Variants in S100A8 observed in about 807,000 individuals in gnomAD.
The protein encoded by S100A8 is protein S100-A8.
Under a neutral mutation model 4.2 loss-of-function variants are expected in S100A8, and 1 was observed. The observed-to-expected ratio is 0.24, with a 90% CI of 0.08 to 1.12. The LOEUF is 1.12. Among genes scored for constraint, S100A8 ranks in the 50% most tolerant of loss-of-function variants. The probability of loss-of-function intolerance (pLI) is 0.53; values close to 1 mark genes in which losing one functional copy is unlikely to be tolerated. For synonymous variants in S100A8, 41 were observed against 44.7 expected (o/e 0.92, Z 0.33); for missense variants, 96 against 111.8 (o/e 0.86, Z 0.64).
chr1:153,395,467 A>C (rs1175709012), upstream of S100A8, among the ~76,000 whole-genome samples: 1 of 152,018 alleles, frequency 6.6e-6, no homozygotes, highest in Non-Finnish European at 1.5e-5. Context: ...GTCTGCGCCC[A>C]GGTCTGGACC....
Position 153,390,328 on chromosome 1 carries a change from G to A in S100A8, c.141+67C>T, listed in dbSNP as rs1308753925. Reference sequence around the variant, plus strand: ...AGCCATCTATGAAGGGTGGCAGGGAGGACCGCTGGCCCAGGGCAGCCCCAG... The same window carrying A: ...AGCCATCTATGAAGGGTGGCAGGGAAGACCGCTGGCCCAGGGCAGCCCCAG... On this transcript the variant is annotated intron_variant, in intron 2 of 2. Transcript: ENST00000368733. 3.1e-6 allele frequency: 5 copies of A among 1,603,214 alleles called. No homozygotes were observed. The African/African-American group carries it at 5.4e-5, about 17-fold the overall frequency.
chr1:153,394,144 T>A (rs74115420), upstream of S100A8, among the ~76,000 whole-genome samples: 3,208 of 152,244 alleles, frequency 0.021, 111 homozygotes, highest in African/African-American at 0.073. Context: ...AACCTGGTCA[T>A]GTTTACAGGA....
the S100A8 span, chr1:153,418,154 T>C: frequency 6.2e-7 from 1 of 1,613,964 alleles, no homozygotes; most frequent in Non-Finnish European, 8.5e-7. Flanking sequence ...CCGGACGTGA[T>C]GGCAAGATTG....
the S100A8 span, among the ~76,000 whole-genome samples, chr1:153,406,558 A>G: frequency 6.6e-6 from 1 of 152,214 alleles, no homozygotes; most frequent in Admixed American, 6.5e-5. Flanking sequence ...CAGAGTCAGC[A>G]CTCACAGCAT....
chr1:153,392,343 T>G (rs912447247), upstream of S100A8, among the ~76,000 whole-genome samples: 1 of 152,178 alleles, frequency 6.6e-6, no homozygotes, highest in African/African-American at 2.4e-5. Flanking sequence ...AAACAAGTGT[T>G]GGTGAGGGCA....
chr1:153,397,965 G>T, the S100A8 span, among the ~76,000 whole-genome samples: 902 of 152,328 alleles, frequency 5.9e-3, 5 homozygotes, highest in South Asian at 0.023. Context: ...GCCCTGGAAA[G>T]GACAAGGTTT....
chr1:153,415,231 C>G, the S100A8 span, among the ~76,000 whole-genome samples: 1 of 151,440 alleles, frequency 6.6e-6, no homozygotes, highest in Non-Finnish European at 1.5e-5. Flanking sequence ...GTAATATTGC[C>G]GTCATATGGG....
chr1:153,399,753 T>TG, the S100A8 span, among the ~76,000 whole-genome samples: 7 of 151,946 alleles, frequency 4.6e-5, no homozygotes, highest in Non-Finnish European at 7.4e-5. Context: ...CCTGGGGAGT[T>TG]GGGGGGGACT....
chr1:153,402,084 G>C, the S100A8 span, among the ~76,000 whole-genome samples: 1 of 152,176 alleles, frequency 6.6e-6, no homozygotes, highest in Non-Finnish European at 1.5e-5. Flanking sequence ...CATTATTGCC[G>C]TGTAGAGAAA....
chr1:153,414,959 T>G, the S100A8 span, among the ~76,000 whole-genome samples: 1 of 152,184 alleles, frequency 6.6e-6, no homozygotes, highest in African/African-American at 2.4e-5. Context: ...TGTCTATGAT[T>G]CTACTCTCTC....
chr1:153,419,086 C>T, the S100A8 span: 3 of 1,581,544 alleles, frequency 1.9e-6, no homozygotes, highest in Non-Finnish European at 2.6e-6. Flanking sequence ...CTCTCCCCTC[C>T]CAGCCCAAAA....
chr1:153,405,841 C>T, the S100A8 span, among the ~76,000 whole-genome samples: 1 of 152,214 alleles, frequency 6.6e-6, no homozygotes, highest in Admixed American at 6.5e-5. Flanking sequence ...CTCTGGGCTG[C>T]AGCTGGGTGT....
chr1:153,413,099 G>A, the S100A8 span, among the ~76,000 whole-genome samples: 11 of 152,118 alleles, frequency 7.2e-5, no homozygotes, highest in African/African-American at 1.9e-4. Context: ...AAGACTGCAC[G>A]CTGTGCACAT....
At chr1:153,408,438 A>T in the S100A8 span, among the ~76,000 whole-genome samples, 826 of 152,332 alleles carry the variant, frequency 5.4e-3, 6 homozygotes, top group African/African-American at 0.019. Context: ...AAAAGAGTAA[A>T]AAGAAATGGA....
chr1:153,418,696 A>T, the S100A8 span, among the ~76,000 whole-genome samples: 6 of 152,368 alleles, frequency 3.9e-5, no homozygotes, highest in South Asian at 2.1e-4. Flanking sequence ...AAGGGTCTAG[A>T]TGACCAAGAG....
the S100A8 span, among the ~76,000 whole-genome samples, chr1:153,409,083 A>C: frequency 6.6e-6 from 1 of 152,190 alleles, no homozygotes; most frequent in Non-Finnish European, 1.5e-5. Flanking sequence ...CGAGCAAAAT[A>C]ACCAGCTAAC....
the S100A8 span, among the ~76,000 whole-genome samples, chr1:153,405,906 G>C: frequency 5.9e-5 from 9 of 152,070 alleles, no homozygotes; most frequent in Non-Finnish European, 1.3e-4. Flanking sequence ...ATAACCTCTT[G>C]TGAATGCTGC....
At chr1:153,401,737 C>G in the S100A8 span, among the ~76,000 whole-genome samples, 1 of 152,134 alleles carries the variant, frequency 6.6e-6, no homozygotes, top group Non-Finnish European at 1.5e-5. Context: ...ATACTTCAAG[C>G]AGGATAATAT....
the S100A8 span, among the ~76,000 whole-genome samples, chr1:153,398,268 G>T: frequency 3.9e-5 from 6 of 152,196 alleles, no homozygotes; most frequent in Non-Finnish European, 7.3e-5. Context: ...GATGGGCAGG[G>T]CCTGAGGGCT....
Sources: gnomAD v4.1 joint callset for allele counts (sites outside exome capture counted in the v4.1 genomes callset) on GRCh38, gnomAD v4.1.1 for gene constraint, MANE v1.5 for transcripts, NCBI Gene and HGNC (gene_info 2026-07-23, HGNC 2026-07-21) for gene names.